Variants in UBE2H observed in about 807,000 individuals in gnomAD.
The protein encoded by UBE2H is ubiquitin conjugating enzyme E2 H, also known as ubiquitin-conjugating enzyme E2 H.
Under a neutral mutation model 29.0 loss-of-function variants are expected in UBE2H, and 3 were observed. The observed-to-expected ratio is 0.10, with a 90% confidence interval of 0.05 to 0.27. The LOEUF is 0.27. Among genes scored for constraint, UBE2H ranks in the 10% least tolerant of loss-of-function variants. The probability of loss-of-function intolerance (pLI) is 1.00; values close to 1 mark genes in which losing one functional copy is unlikely to be tolerated. For missense variants in UBE2H, 68 were observed against 228.2 expected (o/e 0.30, Z 4.52); for synonymous variants, 69 against 82.9 (o/e 0.83, Z 0.91).
intron 6 of UBE2H, 86 bp from the exon 7 acceptor site, chr7:129,835,147 A>C: frequency 6.3e-7 from 1 of 1,584,852 alleles, no homozygotes; most frequent in Non-Finnish European, 8.6e-7. Context: ...AAGGCTGCGG[A>C]GGTTCAAACT....
chr7:129,922,299 A>G (rs191115553), intron 1 of UBE2H, among the ~76,000 whole-genome samples: 2 of 134,072 alleles, frequency 1.5e-5, no homozygotes, highest in East Asian at 2.2e-4. Context: ...TTTAATTTTT[A>G]TTTTGAGATG....
intron 1 of UBE2H, among the ~76,000 whole-genome samples, chr7:129,894,744 C>T (rs1213127396): frequency 6.6e-6 from 1 of 152,032 alleles, no homozygotes; most frequent in Non-Finnish European, 1.5e-5. Context: ...TGGCCTCAGC[C>T]TCCCAAAGTG....
At chr7:129,945,951 A>C (rs1807752972) in intron 1 of UBE2H, among the ~76,000 whole-genome samples, 1 of 151,974 alleles carries the variant, frequency 6.6e-6, no homozygotes, top group Non-Finnish European at 1.5e-5. Flanking sequence ...TCTTCACGTT[A>C]GTCAAGCAGG....
rs768903714 is a variant in UBE2H, at chr7:129,839,169, G to T, written c.427+38C>A. 7.5e-6 allele frequency: 12 copies of T among 1,597,886 alleles called. No homozygotes were observed. The South Asian group carries it at 1.2e-4, about 17-fold the overall frequency. On this transcript the variant is annotated intron_variant, in intron 6 of 6. Transcript: ENST00000355621. Reference sequence around the variant, plus strand: ...AATGACTGAAGCCCAACAGATTTAAGTTCTTTTGTCTCCAGGTTAAACTAC... The same window carrying T: ...AATGACTGAAGCCCAACAGATTTAATTTCTTTTGTCTCCAGGTTAAACTAC...
At chr7:129,926,884 TCTAGTACATA>T (rs1471507338) in intron 1 of UBE2H, among the ~76,000 whole-genome samples, 1 of 152,166 alleles carries the variant, frequency 6.6e-6, no homozygotes, top group African/African-American at 2.4e-5. Context: ...AACGCCACGC[TCTAGTACATA>T]CTAGTACATA....
chr7:129,945,520 CAACAA>C (rs1807744456), intron 1 of UBE2H, among the ~76,000 whole-genome samples: 1 of 152,154 alleles, frequency 6.6e-6, no homozygotes, highest in Non-Finnish European at 1.5e-5. Flanking sequence ...AAACACAACA[CAACAA>C]AACAAGAGCC....
chr7:129,833,545 G>A lies in UBE2H; in HGVS notation c.*1392C>T, dbSNP rs113370448. ...ACCTGGACATATGGTTAGCTGAGTC[G>A]ACATTTGATTAGCAGGCATTTTAAA... is the stretch of plus-strand genomic sequence containing the variant. On this transcript the variant is annotated 3_prime_UTR_variant, in exon 7 of 7. Transcript: ENST00000355621. The A allele has an allele frequency of 1.3e-5, 2 of 152,136 alleles. No individual in the cohort carries two copies. Among genetic ancestry groups the A allele is most frequent in the African/African-American group, 4.8e-5 (2 of 41,418 alleles). The allele number at this position is 152,136 out of a possible 1,614,324, so 9.4% of individuals were successfully genotyped here.
intron 5 of UBE2H, among the ~76,000 whole-genome samples, chr7:129,854,378 A>T (rs1324718885): frequency 6.6e-6 from 1 of 152,210 alleles, no homozygotes; most frequent in African/African-American, 2.4e-5. Flanking sequence ...TTTTGAGCAA[A>T]ATGTCAAAAC....
At chr7:129,903,628 G>A (rs540614395) in intron 1 of UBE2H, among the ~76,000 whole-genome samples, 84 of 152,314 alleles carry the variant, frequency 5.5e-4, no homozygotes, top group Non-Finnish European at 8.5e-4. Context: ...GCTGCATGTG[G>A]TGGCTCACGT....
At position 129,867,834 on chromosome 7, in the gene UBE2H, C is replaced by T. The variant is rs1213538997; in HGVS notation, c.206-8893G>A. ...TTGGTATAGTTAAAAAACAAGCACACACACACTAAACTGGAAGCCAGAAGA... is the reference window on the plus strand; with the variant it reads ...TTGGTATAGTTAAAAAACAAGCACATACACACTAAACTGGAAGCCAGAAGA... On this transcript the variant is annotated intron_variant, in intron 3 of 6. Transcript: ENST00000355621. 4.8e-5 allele frequency among the ~76,000 whole-genome samples: 7 copies of T among 145,460 alleles called. No homozygotes were observed. The Admixed American group carries it at 4.8e-4, about 10-fold the overall frequency.
chr7:129,890,428 A>G (rs1363084073), intron 1 of UBE2H, among the ~76,000 whole-genome samples: 1 of 151,978 alleles, frequency 6.6e-6, no homozygotes, highest in Non-Finnish European at 1.5e-5. Context: ...TGCCCAGGCT[A>G]GAATGCAATG....
intron 1 of UBE2H, among the ~76,000 whole-genome samples, chr7:129,906,307 C>G (rs567643633): frequency 6.6e-6 from 1 of 151,590 alleles, no homozygotes; most frequent in Non-Finnish European, 1.5e-5. Flanking sequence ...CCGGTTCAAG[C>G]GATTCTTGTG....
At position 129,833,233 on chromosome 7, in the gene UBE2H, T is replaced by C. The variant is rs953590269; in HGVS notation, c.*1704A>G. 1 of 152,628 alleles carries C rather than the reference T, an allele frequency of 6.6e-6. No individual in the cohort carries two copies. Among genetic ancestry groups the C allele is most frequent in the East Asian group, 1.9e-4 (1 of 5,202 alleles). 9.5% of individuals were successfully genotyped at this position (152,628 alleles called of 1,614,324 possible). ...TTTATATAGATTTTCAAACAAAAGA[T>C]TGATTGTGCTTTTTGAATAAAAAAG... On this transcript the variant is annotated 3_prime_UTR_variant, in exon 7 of 7. Transcript: ENST00000355621.
At chr7:129,936,247 T>C (rs1158912784) in intron 1 of UBE2H, among the ~76,000 whole-genome samples, 1 of 152,194 alleles carries the variant, frequency 6.6e-6, no homozygotes, top group East Asian at 1.9e-4. Flanking sequence ...AAGTGAGTAA[T>C]ATGCCCAATT....
At chr7:129,857,043 T>C (rs1805718735) in intron 5 of UBE2H, 1 of 153,440 alleles carries the variant, frequency 6.5e-6, no homozygotes, top group African/African-American at 2.4e-5. Flanking sequence ...ATTTCAGCAC[T>C]GAAGGTAAGG....
At chr7:129,924,246 C>A (rs1807219991) in intron 1 of UBE2H, among the ~76,000 whole-genome samples, 1 of 152,116 alleles carries the variant, frequency 6.6e-6, no homozygotes, top group African/African-American at 2.4e-5. Flanking sequence ...CACAATACTC[C>A]ATCTAATTCC....
chr7:129,849,985 AAAAT>A (rs767240215), intron 5 of UBE2H, among the ~76,000 whole-genome samples: 16 of 152,196 alleles, frequency 1.1e-4, no homozygotes, highest in Non-Finnish European at 2.4e-4. Flanking sequence ...AAAACAAAAC[AAAAT>A]AAAAAAACAG....
intron 1 of UBE2H, among the ~76,000 whole-genome samples, chr7:129,891,062 G>A (rs1245243879): frequency 6.6e-6 from 1 of 151,960 alleles, no homozygotes; most frequent in African/African-American, 2.4e-5. Flanking sequence ...CTTGAACCCG[G>A]GAGGTGGAGG....
At chr7:129,949,087 C>T (rs1241226972) in intron 1 of UBE2H, 1 of 454,414 alleles carries the variant, frequency 2.2e-6, no homozygotes, top group Non-Finnish European at 4.4e-6. Context: ...GCAGCTCTAG[C>T]CTTCAGCAGG....
Sources: gnomAD v4.1 joint callset for allele counts (sites outside exome capture counted in the v4.1 genomes callset) on GRCh38, gnomAD v4.1.1 for gene constraint, MANE v1.5 for transcripts, NCBI Gene and HGNC (gene_info 2026-07-23, HGNC 2026-07-21) for gene names.